The following ELMOD3 variants were observed in gnomAD, a reference collection of about 807,000 sequenced individuals.
ELMOD3 encodes ELMO domain-containing protein 3.
ELMOD3 carries 36 observed loss-of-function variants against 47.4 expected under a neutral mutation model. That is an observed-to-expected ratio of 0.76 (90% confidence interval 0.58 to 1.00). The LOEUF (loss-of-function observed/expected upper bound fraction) is 1.00, where lower values mean the gene tolerates loss of function less well. Ranked by LOEUF, ELMOD3 falls within the 50% of genes least tolerant of loss-of-function variation. The probability of loss-of-function intolerance (pLI) is 0.00; values close to 1 mark genes in which losing one functional copy is unlikely to be tolerated. For missense variants in ELMOD3, 404 were observed against 463.8 expected, an observed-to-expected ratio of 0.87 and a Z score of 1.18; for synonymous variants, 149 against 183.5, an observed-to-expected ratio of 0.81 and a Z score of 1.52.
chr2:85,388,274 C>T (rs1204230503), intron 11 of ELMOD3, among the ~76,000 whole-genome samples: 2 of 152,080 alleles, frequency 1.3e-5, no homozygotes, highest in Admixed American at 1.3e-4. Context: ...GAGCCCTGGG[C>T]CCAGCCAGCA....
At position 85,380,161 on chromosome 2, in the gene ELMOD3, G is replaced by A. The variant is rs149153895; in HGVS notation, c.738+2687G>A. On this transcript the variant is annotated intron_variant, in intron 11 of 13. Coordinates refer to ENST00000409013, the MANE Select transcript of ELMOD3 (RefSeq NM_001135022.2). ...TCTTATTGTATTTATGCAAATAACT[G>A]TATTGCCATAAATTAAGAATACTCA... Among the ~76,000 whole-genome samples, 215 of 152,268 alleles carry A rather than the reference G, an allele frequency of 1.4e-3. 1 individual carries two copies. The highest frequency in any genetic ancestry group is 4.7e-3 in the African/African-American group (195 of 41,558).
At chr2:85,389,938 G>A in intron 12 of ELMOD3, 111 bp downstream of exon 12, 2 of 1,151,080 alleles carry the variant, frequency 1.7e-6, no homozygotes, top group Admixed American at 1.8e-5. Context: ...TGGAGGGCCT[G>A]GACAAAGTCC....
At chr2:85,370,762 G>A (rs539044964) in intron 8 of ELMOD3, among the ~76,000 whole-genome samples, 10 of 152,348 alleles carry the variant, frequency 6.6e-5, no homozygotes, top group African/African-American at 2.4e-4. Context: ...CTGCCTGGGG[G>A]AGCTGGGCAG....
chr2:85,371,311 A>G lies in ELMOD3; in HGVS notation c.484+102A>G, dbSNP rs534872052. 22 of 1,604,158 alleles carry G rather than the reference A, an allele frequency of 1.4e-5. No homozygotes were observed. The African/African-American group carries it at 2.8e-4, about 20-fold the overall frequency. On this transcript the variant is annotated intron_variant, in intron 9 of 13. Coordinates refer to ENST00000409013, the MANE Select transcript of ELMOD3 (RefSeq NM_001135022.2). Reference sequence around the variant, plus strand: ...CTAAGCCAGGAATATTGCATGTACCATGGTTGGCGGGTGAGAGTGGGAGCT... The same window carrying G: ...CTAAGCCAGGAATATTGCATGTACCGTGGTTGGCGGGTGAGAGTGGGAGCT...
At chr2:85,389,954 C>A in intron 12 of ELMOD3, 127 bp downstream of exon 12, 1 of 1,069,448 alleles carries the variant, frequency 9.4e-7, no homozygotes, top group Non-Finnish European at 1.4e-6. Flanking sequence ...AGTCCCCATG[C>A]ACCGGTCTCC....
chr2:85,370,018 A>C (rs979113053), intron 8 of ELMOD3, among the ~76,000 whole-genome samples, 188 bp downstream of exon 8: 1 of 152,044 alleles, frequency 6.6e-6, no homozygotes, highest in African/African-American at 2.4e-5. Flanking sequence ...CTATGCCCTT[A>C]CAGCTCCTGT....
rs772120151 is a variant in ELMOD3, at chr2:85,363,115, C to G, written c.148C>G (p.His50Asp). The part of the protein sequence containing the change: ...RGIPISELKN[H>D]GILQALTTEA... ...TCTACAGATCTCAGAGTTGAAGAAC[C>G]ATGGCATTCTCCAGGCTCTGACCAC... Residue 50 changes from histidine to aspartate, a missense_variant, in exon 6 of 14, where the codon CAT becomes GAT. Physicochemically the swap from His to Asp is moderately conservative, Grantham distance 81. Transcript: ENST00000409013. 1.2e-6 allele frequency: 2 copies of G among 1,611,540 alleles called. No homozygotes were observed. The highest frequency in any genetic ancestry group is 1.3e-5 in the African/African-American group (1 of 74,972).
At position 85,363,172 on chromosome 2, in the gene ELMOD3, G is replaced by A. The variant is rs766348719; in HGVS notation, c.199+6G>A. On this transcript the variant is annotated splice_donor_region_variant and intron_variant, in intron 6 of 13. Coordinates refer to ENST00000409013, the MANE Select transcript of ELMOD3 (RefSeq NM_001135022.2). ...TTATGAATGGGAGCCACGTGGTAAGGTTCCCTTCAGGGCCCTTGGAGTCTG... is the reference window on the plus strand; with the variant it reads ...TTATGAATGGGAGCCACGTGGTAAGATTCCCTTCAGGGCCCTTGGAGTCTG... 25 of 1,587,318 alleles carry A rather than the reference G, an allele frequency of 1.6e-5. No individual in the cohort carries two copies. Among genetic ancestry groups the A allele is most frequent in the South Asian group, 1.1e-5 (1 of 90,272 alleles).
intron 3 of ELMOD3, chr2:85,356,026 A>G (rs1479931998): frequency 6.6e-6 from 1 of 152,190 alleles, no homozygotes; most frequent in Non-Finnish European, 1.5e-5. Flanking sequence ...GTGAACTATG[A>G]TTGTCAGTTG....
chr2:85,390,980 G>A lies in ELMOD3; in HGVS notation c.*18G>A. ...TGATCTGACCTCCGAGATGAATGGA[G>A]GCTTAAAGGCTGAGCTGCAGGGGCT... is the stretch of plus-strand genomic sequence containing the variant. On this transcript the variant is annotated 3_prime_UTR_variant, in exon 14 of 14. Transcript: ENST00000409013. The A allele has an allele frequency of 1.3e-6, 2 of 1,545,166 alleles. No homozygotes were observed. Among genetic ancestry groups the A allele is most frequent in the South Asian group, 1.2e-5 (1 of 83,810 alleles).
At position 85,390,227 on chromosome 2, in the gene ELMOD3, A is replaced by C. The variant is rs1477065060; in HGVS notation, c.905A>C (p.Gln302Pro). The C allele has an allele frequency of 6.2e-7, 1 of 1,614,070 alleles. No homozygotes were observed. The highest frequency in any genetic ancestry group is 1.3e-5 in the African/African-American group (1 of 74,926). ...CACCTCGCACATGTCTGGAGGACAC[A>C]GCGGAAGACCATCTCAGACTCGGGC... The part of the protein sequence containing the change: ...FLHLAHVWRT[Q>P]RKTISDSGFV... The change falls in exon 13 of 14, where the codon CAG becomes CCG. Residue 302 changes from glutamine (Q) to proline (P), a missense_variant. Coordinates refer to ENST00000409013, the MANE Select transcript of ELMOD3 (RefSeq NM_001135022.2).
At position 85,389,765 on chromosome 2, in the gene ELMOD3, T is replaced by C. The variant is rs774446281; in HGVS notation, c.753T>C (p.Cys251=). Residue 251 remains cysteine (C), a synonymous_variant, in exon 12 of 14, where the codon TGT becomes TGC. Transcript: ENST00000409013. The part of the protein sequence containing the change: ...SRHHIQQFPF[C]LMSVNITHIA... ...CTCCATTCCAGCAATTCCCTTTCTG[T>C]TTGATGTCCGTGAACATCACCCACA... 1.9e-6 allele frequency: 3 copies of C among 1,614,142 alleles called. No homozygotes were observed. Among genetic ancestry groups the C allele is most frequent in the Non-Finnish European group, 2.5e-6 (3 of 1,179,992 alleles).
chr2:85,369,373 G>A (rs955459808), intron 7 of ELMOD3, among the ~76,000 whole-genome samples: 1 of 152,186 alleles, frequency 6.6e-6, no homozygotes, highest in Non-Finnish European at 1.5e-5. Context: ...GGTGTAAGAA[G>A]GGAAAAGTGG....
intron 11 of ELMOD3, among the ~76,000 whole-genome samples, chr2:85,378,167 C>T (rs1685305353): frequency 6.6e-6 from 1 of 152,156 alleles, no homozygotes; most frequent in African/African-American, 2.4e-5. Context: ...TTATGGCTAG[C>T]AGATATTTAA....
rs1352452458 is a variant in ELMOD3, at chr2:85,380,836, AT to A, written c.738+3364del. Among the ~76,000 whole-genome samples the A allele has an allele frequency of 1.8e-4, 27 of 152,198 alleles. 1 individual carries two copies. Among genetic ancestry groups the A allele is most frequent in the Admixed American group, 1.7e-3 (26 of 15,276 alleles). On this transcript the variant is annotated intron_variant, in intron 11 of 13. Transcript: ENST00000409013. ...CACCATGCCTGGCCTTTTATAGCTG[AT>A]TATAAAACCACCTTCTAAAGAGGAC... is the stretch of plus-strand genomic sequence containing the variant.
rs1235227941 is a variant in ELMOD3 at position 85,376,039 on chromosome 2, T to C, written c.608-1305T>C. 6.6e-6 allele frequency among the ~76,000 whole-genome samples: 1 copy of C among 152,224 alleles called. No individual in the cohort carries two copies. Among genetic ancestry groups the C allele is most frequent in the African/African-American group, 2.4e-5 (1 of 41,468 alleles). ...CTCTGCTGATCAGCAACCTTAATTC[T>C]ACCTGCAGTCTTAATCCCCTTTGCC... On this transcript the variant is annotated intron_variant, in intron 10 of 13. Coordinates refer to ENST00000409013, the MANE Select transcript of ELMOD3 (RefSeq NM_001135022.2). The surrounding 1 kb of genome is among the most constrained non-coding windows in gnomAD (Gnocchi z 4.2).
At chr2:85,387,960 C>T (rs73945725) in intron 11 of ELMOD3, among the ~76,000 whole-genome samples, 3,770 of 152,214 alleles carry the variant, frequency 0.025, 163 homozygotes, top group African/African-American at 0.085. Context: ...CATTCTTCCA[C>T]TGCCAAATTG....
chr2:85,359,470 C>T (rs550206766), intron 4 of ELMOD3, among the ~76,000 whole-genome samples: 28 of 146,606 alleles, frequency 1.9e-4, no homozygotes, highest in East Asian at 6.0e-4. Flanking sequence ...TGCAATGACG[C>T]GATCTCGGCT....
intron 4 of ELMOD3, among the ~76,000 whole-genome samples, chr2:85,361,738 G>A (rs1449237722): frequency 6.6e-6 from 1 of 152,016 alleles, no homozygotes; most frequent in Non-Finnish European, 1.5e-5. Flanking sequence ...GACCATCCTG[G>A]CTAACACGGT....
Sources: allele counts gnomAD v4.1 joint callset (sites outside exome capture counted in the v4.1 genomes callset), GRCh38; gene constraint gnomAD v4.1.1; non-coding constraint Gnocchi (gnomAD v3.1); transcripts MANE v1.5; gene names NCBI Gene and HGNC (gene_info 2026-07-23, HGNC 2026-07-21).